ZNF385B: variants seen among roughly 807,000 people sequenced by gnomAD.
ZNF385B encodes the protein zinc finger protein 533.
In ZNF385B, 23 loss-of-function variants were observed where a neutral mutation model predicts 39.2. The ratio of observed to expected loss-of-function variants is 0.59; its 90% CI spans 0.42 to 0.83. ZNF385B has a LOEUF of 0.83. ZNF385B is among the 40% of genes least tolerant of loss of function. ZNF385B has a pLI of 0.00. For missense variants in ZNF385B, 552 were observed against 598.9 expected, an observed-to-expected ratio of 0.92 and a Z score of 0.82; for synonymous variants, 205 against 222.6, an observed-to-expected ratio of 0.92 and a Z score of 0.70.
chr2:179,716,370 T>C (rs559089740), intron 3 of ZNF385B, among the ~76,000 whole-genome samples: 1 of 152,318 alleles, frequency 6.6e-6, no homozygotes, highest in African/African-American at 2.4e-5. Flanking sequence ...TATAAATCTA[T>C]GTGTAATCCC....
chr2:179,757,443 C>G (rs1000525885), intron 3 of ZNF385B, among the ~76,000 whole-genome samples: 1 of 152,194 alleles, frequency 6.6e-6, no homozygotes, highest in African/African-American at 2.4e-5. Context: ...TGCCCGTTCT[C>G]AGGTCTCAAA....
At chr2:179,845,060 G>A (rs1014543395) in intron 1 of ZNF385B, among the ~76,000 whole-genome samples, 3 of 152,000 alleles carry the variant, frequency 2.0e-5, no homozygotes, top group Middle Eastern at 3.2e-3. Context: ...CAAGACTGAT[G>A]CTCCAATACA....
intron 3 of ZNF385B, among the ~76,000 whole-genome samples, chr2:179,627,081 C>A (rs925838747): frequency 6.6e-6 from 1 of 152,198 alleles, no homozygotes; most frequent in Non-Finnish European, 1.5e-5. Context: ...ACAAATAGTT[C>A]TATTCTAGCT....
At chr2:179,698,469 A>T (rs1698934954) in intron 3 of ZNF385B, among the ~76,000 whole-genome samples, 1 of 152,234 alleles carries the variant, frequency 6.6e-6, no homozygotes, top group Non-Finnish European at 1.5e-5. Flanking sequence ...GGGCAGAATA[A>T]CTTAGAGTAT....
intron 3 of ZNF385B, among the ~76,000 whole-genome samples, chr2:179,766,006 C>A (rs2106496600): frequency 6.8e-6 from 1 of 147,254 alleles, no homozygotes; most frequent in African/African-American, 2.5e-5. Context: ...TTTCACAAGT[C>A]CCTTGCTCAC....
intron 4 of ZNF385B, among the ~76,000 whole-genome samples, chr2:179,522,146 C>A (rs1207332788): frequency 6.6e-6 from 1 of 152,120 alleles, no homozygotes; most frequent in Non-Finnish European, 1.5e-5. Context: ...TGAGTATTTG[C>A]CCTCTGATGC....
chr2:179,469,149 T>C (rs2052452605), intron 6 of ZNF385B, among the ~76,000 whole-genome samples: 1 of 152,176 alleles, frequency 6.6e-6, no homozygotes, highest in South Asian at 2.1e-4. Context: ...CCATTCTTTT[T>C]GCTTCTTTCT....
intron 3 of ZNF385B, among the ~76,000 whole-genome samples, chr2:179,738,766 T>C (rs1224877198): frequency 2.0e-5 from 3 of 152,200 alleles, no homozygotes; most frequent in Non-Finnish European, 4.4e-5. Context: ...TTCCTATATA[T>C]GTATTATCCC....
intron 3 of ZNF385B, among the ~76,000 whole-genome samples, chr2:179,686,232 A>C (rs561573137): frequency 7.9e-4 from 121 of 152,264 alleles, no homozygotes; most frequent in Middle Eastern, 3.4e-3. Flanking sequence ...CAACCTCTCC[A>C]TAGGTGCTGA....
chr2:179,766,030 TCACACACA>T (rs71029829), intron 3 of ZNF385B, among the ~76,000 whole-genome samples: 16 of 140,830 alleles, frequency 1.1e-4, no homozygotes, highest in East Asian at 2.2e-4. Flanking sequence ...GGTACATTGA[TCACACACA>T]CACACACACA....
intron 3 of ZNF385B, among the ~76,000 whole-genome samples, chr2:179,552,557 C>G (rs2060644079): frequency 6.7e-6 from 1 of 149,214 alleles, no homozygotes; most frequent in Non-Finnish European, 1.5e-5. Context: ...CTGCCATACT[C>G]AGTTTTCTTT....
At chr2:179,675,557 C>T (rs547378954) in intron 3 of ZNF385B, among the ~76,000 whole-genome samples, 1 of 152,296 alleles carries the variant, frequency 6.6e-6, no homozygotes, top group South Asian at 2.1e-4. Context: ...AATACACTGG[C>T]AGCTTGAGGC....
chr2:179,841,779 G>A (rs1708547308), intron 1 of ZNF385B, among the ~76,000 whole-genome samples: 1 of 152,154 alleles, frequency 6.6e-6, no homozygotes, highest in Non-Finnish European at 1.5e-5. Context: ...CCTAGCACAG[G>A]TCATGAGTAG....
chr2:179,493,534 T>C (rs924053382), intron 5 of ZNF385B, among the ~76,000 whole-genome samples: 1 of 151,232 alleles, frequency 6.6e-6, no homozygotes, highest in African/African-American at 2.4e-5. Context: ...TGTACATATA[T>C]GCGTATACAT....
At chr2:179,726,538 A>T (rs998057551) in intron 3 of ZNF385B, among the ~76,000 whole-genome samples, 16 of 152,036 alleles carry the variant, frequency 1.1e-4, no homozygotes, top group Non-Finnish European at 2.2e-4. Flanking sequence ...GATTATACAT[A>T]AAGCACTTAA....
intron 3 of ZNF385B, among the ~76,000 whole-genome samples, chr2:179,722,938 CA>C (rs1700785188): frequency 6.6e-6 from 1 of 151,878 alleles, no homozygotes; most frequent in African/African-American, 2.4e-5. Context: ...CACAAATGGC[CA>C]AAAAACATGA....
intron 3 of ZNF385B, among the ~76,000 whole-genome samples, chr2:179,635,382 G>A (rs935465103): frequency 6.8e-6 from 1 of 147,870 alleles, no homozygotes; most frequent in Non-Finnish European, 1.5e-5. Flanking sequence ...GGGCCTGTTG[G>A]GGGGTGGGGG....
intron 3 of ZNF385B, among the ~76,000 whole-genome samples, chr2:179,706,860 C>T (rs1353882700): frequency 1.3e-5 from 2 of 152,326 alleles, no homozygotes; most frequent in East Asian, 3.9e-4. Flanking sequence ...AGAGACCTTG[C>T]TGTCTCACCT....
At chr2:179,760,922 T>A (rs1305984217) in intron 3 of ZNF385B, among the ~76,000 whole-genome samples, 2 of 150,322 alleles carry the variant, frequency 1.3e-5, no homozygotes, top group African/African-American at 2.4e-5. Flanking sequence ...TTATATGGTG[T>A]CAGAATTTAG....
Sources: allele counts gnomAD v4.1 joint callset (sites outside exome capture counted in the v4.1 genomes callset), GRCh38; gene constraint gnomAD v4.1.1; transcripts MANE v1.5; gene names NCBI Gene and HGNC (gene_info 2026-07-23, HGNC 2026-07-21).